The following TAS2R1 variants were observed in gnomAD, a reference collection of about 807,000 sequenced individuals.
The protein encoded by TAS2R1 is taste 2 receptor member 1, also known as taste receptor type 2 member 1.
For synonymous variants in TAS2R1, 141 were observed against 134.2 expected (o/e 1.05, Z -0.35); for missense variants, 370 against 353.4 (o/e 1.05, Z -0.38).
the TAS2R1 span, among the ~76,000 whole-genome samples, chr5:9,840,832 AT>A: frequency 4.6e-3 from 558 of 121,878 alleles, 7 homozygotes; most frequent in African/African-American, 0.015. Context: ...TTTTCATTTT[AT>A]TTTATTTATT....
At chr5:9,878,430 C>T in the TAS2R1 span, among the ~76,000 whole-genome samples, 1 of 152,200 alleles carries the variant, frequency 6.6e-6, no homozygotes, top group Admixed American at 6.5e-5. Flanking sequence ...CCAGATTCAG[C>T]ATTCACGAGC....
At chr5:9,664,157 C>T (rs1177027714) in intron 1 of TAS2R1, among the ~76,000 whole-genome samples, 1 of 152,166 alleles carries the variant, frequency 6.6e-6, no homozygotes, top group Non-Finnish European at 1.5e-5. Context: ...CCCAGGCTGG[C>T]TTTCCCTTCC....
chr5:9,778,039 C>T, the TAS2R1 span, among the ~76,000 whole-genome samples: 1 of 152,086 alleles, frequency 6.6e-6, no homozygotes, highest in African/African-American at 2.4e-5. Flanking sequence ...CGCCACCGCG[C>T]CCGGCTAATT....
At chr5:9,704,804 A>G (rs1418784069) in intron 1 of TAS2R1, among the ~76,000 whole-genome samples, 2 of 152,234 alleles carry the variant, frequency 1.3e-5, no homozygotes, top group Admixed American at 6.5e-5. Flanking sequence ...AGACATTTTC[A>G]TATATTCTTA....
chr5:9,633,302 A>ATATATGTATAT (rs1739908096), upstream of TAS2R1, among the ~76,000 whole-genome samples: 1 of 114,080 alleles, frequency 8.8e-6, no homozygotes, highest in African/African-American at 4.1e-5. Context: ...TATTATATAT[A>ATATATGTATAT]TATATATATA....
the TAS2R1 span, among the ~76,000 whole-genome samples, chr5:9,804,477 T>C: frequency 6.6e-6 from 1 of 152,128 alleles, no homozygotes; most frequent in Non-Finnish European, 1.5e-5. Context: ...TTCTCCAAGA[T>C]AGACCATATG....
intron 2 of TAS2R1, among the ~76,000 whole-genome samples, chr5:9,653,547 G>A (rs2126490140): frequency 6.6e-6 from 1 of 152,230 alleles, no homozygotes; most frequent in Middle Eastern, 3.4e-3. Context: ...AGGATTGCTG[G>A]ATTATGTGGT....
the TAS2R1 span, among the ~76,000 whole-genome samples, chr5:9,783,121 T>C: frequency 6.6e-6 from 1 of 152,314 alleles, no homozygotes; most frequent in Non-Finnish European, 1.5e-5. Flanking sequence ...CCTTACTCTA[T>C]TGGCTTTTGA....
intron 1 of TAS2R1, among the ~76,000 whole-genome samples, chr5:9,670,368 A>G (rs1740725294): frequency 6.6e-6 from 1 of 152,150 alleles, no homozygotes; most frequent in Admixed American, 6.6e-5. Context: ...TGTGCCAATC[A>G]CTGAGTTTTG....
the TAS2R1 span, among the ~76,000 whole-genome samples, chr5:9,877,085 G>A: frequency 6.6e-6 from 1 of 152,182 alleles, no homozygotes; most frequent in African/African-American, 2.4e-5. Context: ...ACCACAGTTT[G>A]CAAATGCTTC....
At chr5:9,634,921 T>G (rs529494526), upstream of TAS2R1, among the ~76,000 whole-genome samples, 1 of 152,224 alleles carries the variant, frequency 6.6e-6, no homozygotes, top group South Asian at 2.1e-4. Flanking sequence ...TCTTTACTGA[T>G]TTGGATGCCC....
At chr5:9,652,417 G>A (rs570799506) in intron 2 of TAS2R1, among the ~76,000 whole-genome samples, 76 of 152,242 alleles carry the variant, frequency 5.0e-4, no homozygotes, top group African/African-American at 1.7e-3. Context: ...GGGCTACTCC[G>A]GGGCTGGGCC....
intron 1 of TAS2R1, among the ~76,000 whole-genome samples, chr5:9,680,356 A>G (rs892261313): frequency 3.3e-5 from 5 of 152,192 alleles, no homozygotes; most frequent in African/African-American, 9.6e-5. Flanking sequence ...AAGGGGGAGC[A>G]TAAGTTCTAC....
At chr5:9,654,324 C>A (rs1185499600) in intron 2 of TAS2R1, among the ~76,000 whole-genome samples, 1 of 151,928 alleles carries the variant, frequency 6.6e-6, no homozygotes, top group Non-Finnish European at 1.5e-5. Context: ...TTTTCTTGGG[C>A]AAAAATTTTT....
the TAS2R1 span, among the ~76,000 whole-genome samples, chr5:9,856,791 A>C: frequency 6.6e-6 from 1 of 152,238 alleles, no homozygotes; most frequent in Non-Finnish European, 1.5e-5. Flanking sequence ...TAACTGAATC[A>C]TACCCACAAG....
At chr5:9,725,970 A>G in the TAS2R1 span, among the ~76,000 whole-genome samples, 8 of 150,268 alleles carry the variant, frequency 5.3e-5, no homozygotes, top group South Asian at 2.1e-4. Context: ...AAATACACCA[A>G]TCGGCACTCT....
chr5:9,784,831 A>G, the TAS2R1 span, among the ~76,000 whole-genome samples: 1 of 152,248 alleles, frequency 6.6e-6, no homozygotes, highest in African/African-American at 2.4e-5. Context: ...TCATATAAGG[A>G]CACTGTTCAG....
chr5:9,725,459 C>G, the TAS2R1 span, among the ~76,000 whole-genome samples: 1 of 152,184 alleles, frequency 6.6e-6, no homozygotes, highest in Non-Finnish European at 1.5e-5. Context: ...GCTTAGCACC[C>G]GGGCCAGCAG....
chr5:9,698,090 T>C (rs1006981649), intron 1 of TAS2R1, among the ~76,000 whole-genome samples: 3 of 152,108 alleles, frequency 2.0e-5, no homozygotes, highest in African/African-American at 4.8e-5. Flanking sequence ...TTCACAAACA[T>C]TAGTAATATA....
Sources: gnomAD v4.1 joint callset for allele counts (sites outside exome capture counted in the v4.1 genomes callset) on GRCh38, gnomAD v4.1.1 for gene constraint, MANE v1.5 for transcripts, NCBI Gene and HGNC (gene_info 2026-07-23, HGNC 2026-07-21) for gene names.